CPA1: variants seen among roughly 807,000 people sequenced by gnomAD.
CPA1 encodes carboxypeptidase A1.
Under a neutral mutation model 48.7 loss-of-function variants are expected in CPA1, and 42 were observed. That is an observed-to-expected ratio of 0.86 (90% CI 0.67 to 1.11). The LOEUF (loss-of-function observed/expected upper bound fraction) is 1.11, where lower values mean the gene tolerates loss of function less well. CPA1 is among the 50% of genes most tolerant of loss of function. The pLI, the probability that CPA1 is intolerant of heterozygous loss-of-function variation, is 0.00. For synonymous variants in CPA1, 203 were observed against 217.9 expected (o/e 0.93, Z 0.60); for missense variants, 477 against 544.7 (o/e 0.88, Z 1.24).
chr7:130,382,663 G>A (rs1317942732), intron 4 of CPA1, among the ~76,000 whole-genome samples: 16 of 113,814 alleles, frequency 1.4e-4, no homozygotes, highest in African/African-American at 5.7e-4. Context: ...TTGAGACAGA[G>A]TCTTACTCTG....
chr7:130,384,158 G>T, intron 6 of CPA1: 1 of 430,818 alleles, frequency 2.3e-6, no homozygotes, highest in Non-Finnish European at 4.2e-6. Context: ...TTACTTCCTG[G>T]TCCTACTTCT....
chr7:130,381,008 G>T, intron 1 of CPA1, 90 bp from the exon 2 acceptor site: 4 of 1,030,234 alleles, frequency 3.9e-6, no homozygotes, highest in Non-Finnish European at 6.0e-6. Flanking sequence ...TGGGGATTCT[G>T]GGCTGCTGCC....
chr7:130,384,607 C>T lies in CPA1; in HGVS notation c.768C>T (p.Asn256=). 2 of 1,614,158 alleles carry T rather than the reference C, an allele frequency of 1.2e-6. No individual in the cohort carries two copies. Among genetic ancestry groups the T allele is most frequent in the Non-Finnish European group, 1.7e-6 (2 of 1,179,990 alleles). ...GTATTGGCGTGGACCCCAACAGGAA[C>T]TGGGACGCTGGCTTTGGGTGTAAGG... ...SLCIGVDPNR[N]WDAGFGLSGA... Residue 256 remains asparagine (N), a synonymous_variant, in exon 7 of 10, where the codon AAC becomes AAT. Transcript: ENST00000011292.
Position 130,385,186 on chromosome 7 carries a change from C to A in CPA1, c.828C>A (p.His276Gln), listed in dbSNP as rs781912694. The change falls in exon 8 of 10, where the codon CAC becomes CAA. Residue 276 changes from histidine to glutamine, a missense_variant. By Grantham distance (24) the His-to-Gln change is conservative (BLOSUM62 0). Coordinates refer to ENST00000011292, the MANE Select transcript of CPA1 (RefSeq NM_001868.4). The part of the protein sequence containing the change: ...ASSNPCSETY[H>Q]GKFANSEVEV... Reference sequence around the variant, plus strand: ...GTAACCCCTGCTCGGAGACTTACCACGGCAAGTTTGCCAATTCCGAAGTGG... The same window carrying A: ...GTAACCCCTGCTCGGAGACTTACCAAGGCAAGTTTGCCAATTCCGAAGTGG... 2 of 1,614,098 alleles carry A rather than the reference C, an allele frequency of 1.2e-6. No homozygotes were observed. Among genetic ancestry groups the A allele is most frequent in the African/African-American group, 2.7e-5 (2 of 74,940 alleles).
Position 130,385,131 on chromosome 7 carries a change from T to C in CPA1, c.788-15T>C. 1 of 1,613,818 alleles carries C rather than the reference T, an allele frequency of 6.2e-7. No individual in the cohort carries two copies. On this transcript the variant is annotated splice_polypyrimidine_tract_variant and intron_variant, in intron 7 of 9. Coordinates refer to ENST00000011292, the MANE Select transcript of CPA1 (RefSeq NM_001868.4). ...CTGGAGGAGCCACACCGCCATGCCC[T>C]CTGTCCCCCCACAGTGTCCGGAGCC...
At chr7:130,381,530 C>A in intron 2 of CPA1, 100 bp from the exon 3 acceptor site, 1 of 819,078 alleles carries the variant, frequency 1.2e-6, no homozygotes, top group Non-Finnish European at 2.0e-6. Flanking sequence ...ATGAGAACTT[C>A]TGGCACCAAC....
At chr7:130,383,354 GA>G in intron 4 of CPA1, 36 bp from the exon 5 acceptor site, 1 of 1,577,834 alleles carries the variant, frequency 6.3e-7, no homozygotes, top group Non-Finnish European at 8.7e-7. Context: ...CCTCAGCTGT[GA>G]AATTGCCTCT....
intron 1 of CPA1, 33 bp from the exon 2 acceptor site, chr7:130,381,065 T>C: frequency 1.3e-6 from 2 of 1,586,278 alleles, no homozygotes; most frequent in Non-Finnish European, 1.7e-6. Context: ...AGGTGCAGCT[T>C]GGGTGCTCAC....
rs1160963460 is a variant in CPA1, at chr7:130,387,903, T to G, written c.1152T>G (p.Thr384=). The stretch of plus-strand genomic sequence containing the variant: ...CCTTCACCTTCGAGCTCCGGGACAC[T>G]GGGCGCTATGGCTTCCTGCTGCCAG... The part of the protein sequence containing the change: ...KYSFTFELRD[T]GRYGFLLPAS... Residue 384 remains threonine (T), a synonymous_variant, in exon 10 of 10, where the codon ACT becomes ACG. Coordinates refer to ENST00000011292, the MANE Select transcript of CPA1 (RefSeq NM_001868.4). This position sits in a 1 kb window ranked among gnomAD's most constrained non-coding sequence, Gnocchi z 4.6. 1.2e-6 allele frequency: 2 copies of G among 1,614,178 alleles called. No individual in the cohort carries two copies. The highest frequency in any genetic ancestry group is 2.7e-5 in the African/African-American group (2 of 75,026).
At position 130,381,855 on chromosome 7, in the gene CPA1, C is replaced by G; in HGVS notation, c.373C>G (p.Leu125Val). Residue 125 changes from leucine (L) to valine (V), a missense_variant, in exon 3 of 10, where the codon CTG (leucine) becomes GTG (valine). Transcript: ENST00000011292. ...TTTTAACTACGCCACCTACCACACC[C>G]TGGAGGAGGTGAGGGCGCCCCTAGC... is the stretch of plus-strand genomic sequence containing the variant. The part of the protein sequence containing the change: ...DTFNYATYHT[L>V]EEIYDFLDLL... The G allele has an allele frequency of 3.1e-6, 5 of 1,613,456 alleles. No individual in the cohort carries two copies. Among genetic ancestry groups the G allele is most frequent in the Non-Finnish European group, 4.2e-6 (5 of 1,179,746 alleles).
intron 6 of CPA1, chr7:130,384,211 A>G: frequency 2.2e-6 from 1 of 463,724 alleles, no homozygotes; most frequent in African/African-American, 2.0e-5. Flanking sequence ...ACATGGGGCC[A>G]CAGTGGTGGT....
intron 4 of CPA1, among the ~76,000 whole-genome samples, chr7:130,382,630 ATTT>A (rs34457825): frequency 9.4e-5 from 7 of 74,378 alleles, no homozygotes; most frequent in African/African-American, 1.2e-4. Context: ...TGCCCGGGTA[ATTT>A]TTTTTTTTTT....
chr7:130,384,908 G>A, intron 7 of CPA1: 1 of 607,916 alleles, frequency 1.6e-6, no homozygotes, highest in South Asian at 2.0e-5. Flanking sequence ...GTCTCTGTGA[G>A]AACTGGTCTC....
chr7:130,380,708 A>T, intron 1 of CPA1, 123 bp downstream of exon 1: 1 of 570,382 alleles, frequency 1.8e-6, no homozygotes, highest in Non-Finnish European at 2.9e-6. Flanking sequence ...GCCTGGCACC[A>T]CCTGGGACAG....
chr7:130,383,314 C>A, intron 4 of CPA1, 77 bp from the exon 5 acceptor site: 2 of 1,123,464 alleles, frequency 1.8e-6, no homozygotes, highest in South Asian at 2.6e-5. Context: ...TGGCCCAGGT[C>A]GGGGTCTCCT....
chr7:130,383,445 T>G lies in CPA1; in HGVS notation c.538T>G (p.Ser180Ala). ...CATCTGGATCGACACGGGCATCCATTCCCGGGAGTGGGTCACCCAGGCCAG... is the reference window on the plus strand; with the variant it reads ...CATCTGGATCGACACGGGCATCCATGCCCGGGAGTGGGTCACCCAGGCCAG... ...PAIWIDTGIH[S>A]REWVTQASGV... Residue 180 changes from serine (S) to alanine (A), a missense_variant, in exon 5 of 10, where the codon TCC becomes GCC. Physicochemically the swap from Ser to Ala is moderately conservative, Grantham distance 99. Coordinates refer to ENST00000011292, the MANE Select transcript of CPA1 (RefSeq NM_001868.4). The G allele has an allele frequency of 6.2e-7, 1 of 1,614,122 alleles. No homozygotes were observed. Among genetic ancestry groups the G allele is most frequent in the African/African-American group, 1.3e-5 (1 of 75,020 alleles).
chr7:130,383,293 C>A, intron 4 of CPA1, 98 bp from the exon 5 acceptor site: 1 of 848,418 alleles, frequency 1.2e-6, no homozygotes, highest in Non-Finnish European at 2.0e-6. Flanking sequence ...ACACAGAGAG[C>A]AGGTGGTCTC....
rs782645631 is a variant in CPA1, at chr7:130,381,642, C to A, written c.160C>A (p.Arg54=). 3.1e-5 allele frequency: 50 copies of A among 1,613,228 alleles called. No homozygotes were observed. The highest frequency in any genetic ancestry group is 4.2e-5 in the Non-Finnish European group (49 of 1,179,648). The part of the protein sequence containing the change: ...DLEHLQLDFW[R]GPAHPGSPID... ...TTGTCCTCCCCAGCTGGACTTCTGG[C>A]GGGGGCCTGCCCACCCTGGCTCCCC... is the stretch of plus-strand genomic sequence containing the variant. Residue 54 remains arginine, a synonymous_variant, in exon 3 of 10, where the codon CGG becomes AGG. Coordinates refer to ENST00000011292, the MANE Select transcript of CPA1 (RefSeq NM_001868.4).
At chr7:130,386,718 GA>G (rs1217702644) in intron 9 of CPA1, among the ~76,000 whole-genome samples, 2 of 152,140 alleles carry the variant, frequency 1.3e-5, no homozygotes, top group Non-Finnish European at 2.9e-5. Flanking sequence ...ATGTACTTGG[GA>G]TATAGCCATG....
Sources: allele counts gnomAD v4.1 joint callset (sites outside exome capture counted in the v4.1 genomes callset), GRCh38; gene constraint gnomAD v4.1.1; non-coding constraint Gnocchi (gnomAD v3.1); transcripts MANE v1.5; gene names NCBI Gene and HGNC (gene_info 2026-07-23, HGNC 2026-07-21).